NFU1: variants seen among roughly 807,000 people sequenced by gnomAD.
The protein encoded by NFU1 is NFU1 iron-sulfur cluster scaffold.
In NFU1, 30 loss-of-function variants were observed where a neutral mutation model predicts 32.2. The ratio of observed to expected loss-of-function variants is 0.93; its 90% confidence interval spans 0.70 to 1.26. NFU1 has a LOEUF of 1.26. Ranked by LOEUF, NFU1 falls within the 50% of genes most tolerant of loss-of-function variation. The probability of loss-of-function intolerance (pLI) is 0.00; values close to 1 mark genes in which losing one functional copy is unlikely to be tolerated. For missense variants in NFU1, 306 were observed against 306.6 expected (o/e 1.00, Z 0.02); for synonymous variants, 112 against 104.6 (o/e 1.07, Z -0.43).
intron 6 of NFU1, among the ~76,000 whole-genome samples, chr2:69,402,303 T>C (rs1251093790): frequency 6.6e-6 from 1 of 152,180 alleles, no homozygotes. Flanking sequence ...GTAAATATCT[T>C]CTAATCTGTA....
At chr2:69,438,366 G>A (rs1258528376), upstream of NFU1, among the ~76,000 whole-genome samples, 2 of 151,836 alleles carry the variant, frequency 1.3e-5, no homozygotes, top group African/African-American at 2.4e-5. Context: ...TCATCCTCCA[G>A]CCTCAGCCTC....
intron 5 of NFU1, among the ~76,000 whole-genome samples, chr2:69,406,345 A>G (rs965412768): frequency 4.6e-5 from 7 of 152,190 alleles, no homozygotes; most frequent in East Asian, 1.9e-4. Flanking sequence ...TGATATGCTA[A>G]TGATGTTAGG....
At chr2:69,438,936 A>G (rs957262775), upstream of NFU1, among the ~76,000 whole-genome samples, 3 of 121,556 alleles carry the variant, frequency 2.5e-5, no homozygotes, top group Non-Finnish European at 3.3e-5. Flanking sequence ...TCTAGACCGC[A>G]AGGCAGTCCA....
chr2:69,421,868 T>C (rs1488196143), intron 3 of NFU1, among the ~76,000 whole-genome samples: 3 of 152,062 alleles, frequency 2.0e-5, no homozygotes, highest in Admixed American at 1.3e-4. Context: ...GGCCCTGTTC[T>C]TTATCATCTC....
chr2:69,437,393 T>A lies in NFU1; in HGVS notation c.30A>T (p.Gly10=). The change falls in exon 1 of 8, where the codon GGA becomes GGT. Residue 10 remains glycine (G), a synonymous_variant. Transcript: ENST00000410022. Reference sequence around the variant, plus strand: ...GCAGCCCGGCGGCAACAGCCGCAGCTCCCCAGCCCCGCCTGGCCGTCGCCG... The same window carrying A: ...GCAGCCCGGCGGCAACAGCCGCAGCACCCCAGCCCCGCCTGGCCGTCGCCG... MAATARRGW[G]AAAVAAGLRR... 6.2e-7 allele frequency: 1 copy of A among 1,609,764 alleles called. No individual in the cohort carries two copies. Among genetic ancestry groups the A allele is most frequent in the Admixed American group, 1.7e-5 (1 of 59,866 alleles).
chr2:69,396,312 A>C, intron 7 of NFU1, 22 bp from the exon 8 acceptor site: 1 of 1,555,660 alleles, frequency 6.4e-7, no homozygotes, highest in Non-Finnish European at 8.8e-7. Flanking sequence ...AAACAAAGAC[A>C]ATTTAAGAAT....
At chr2:69,418,721 G>C (rs886362600) in intron 4 of NFU1, among the ~76,000 whole-genome samples, 17 of 151,654 alleles carry the variant, frequency 1.1e-4, no homozygotes, top group Non-Finnish European at 5.9e-5. Flanking sequence ...TGCCCACCTC[G>C]GCCTCCCAAA....
At chr2:69,434,814 T>C (rs1673773941) in intron 1 of NFU1, among the ~76,000 whole-genome samples, 2 of 152,194 alleles carry the variant, frequency 1.3e-5, no homozygotes, top group South Asian at 4.1e-4. Context: ...AGTGGAGTTT[T>C]AGTACTCAGT....
At chr2:69,427,548 T>C (rs532207980) in intron 2 of NFU1, among the ~76,000 whole-genome samples, 3 of 150,068 alleles carry the variant, frequency 2.0e-5, no homozygotes, top group South Asian at 2.1e-4. Context: ...GGCGTGGTAG[T>C]GTGCGTCCGT....
chr2:69,401,657 T>A (rs1672525848), intron 6 of NFU1, among the ~76,000 whole-genome samples: 1 of 152,188 alleles, frequency 6.6e-6, no homozygotes, highest in Non-Finnish European at 1.5e-5. Flanking sequence ...AGTATGAATA[T>A]GTTGAGATTT....
At chr2:69,397,545 C>A (rs1347102194) in intron 7 of NFU1, among the ~76,000 whole-genome samples, 2 of 152,038 alleles carry the variant, frequency 1.3e-5, no homozygotes, top group African/African-American at 2.4e-5. Flanking sequence ...CTCAGTCAAT[C>A]CACCAAAGTA....
chr2:69,397,397 T>C (rs372886821), intron 7 of NFU1, among the ~76,000 whole-genome samples: 9 of 152,298 alleles, frequency 5.9e-5, no homozygotes, highest in East Asian at 1.9e-4. Context: ...ACTAACTCCA[T>C]TGGAGAAGGA....
downstream of NFU1, chr2:69,396,062 C>T: frequency 1.8e-6 from 1 of 545,510 alleles, no homozygotes. Context: ...TCCACGTGTA[C>T]AGAAGATGAT....
At chr2:69,409,121 C>T (rs1558818447) in intron 5 of NFU1, among the ~76,000 whole-genome samples, 1 of 151,898 alleles carries the variant, frequency 6.6e-6, no homozygotes, top group East Asian at 1.9e-4. Flanking sequence ...GGATTACAGG[C>T]GTTAGCCACC....
At chr2:69,430,176 T>TA (rs1268688406) in intron 2 of NFU1, among the ~76,000 whole-genome samples, 2 of 151,994 alleles carry the variant, frequency 1.3e-5, no homozygotes, top group East Asian at 3.8e-4. Flanking sequence ...TCATGAGACT[T>TA]ACAACAGGAA....
chr2:69,424,358 G>C (rs903125559), intron 2 of NFU1, among the ~76,000 whole-genome samples: 1 of 150,076 alleles, frequency 6.7e-6, no homozygotes, highest in Non-Finnish European at 1.5e-5. Flanking sequence ...GCACAATCAC[G>C]GTTCACTACG....
intron 3 of NFU1, among the ~76,000 whole-genome samples, chr2:69,421,859 G>A (rs1223703712): frequency 6.6e-6 from 1 of 151,926 alleles, no homozygotes; most frequent in Non-Finnish European, 1.5e-5. Flanking sequence ...ACCGCACCTG[G>A]CCCTGTTCTT....
At chr2:69,400,661 A>T in intron 6 of NFU1, 123 bp from the exon 7 acceptor site, 1 of 778,794 alleles carries the variant, frequency 1.3e-6, no homozygotes, top group Non-Finnish European at 2.1e-6. Flanking sequence ...AGCTACTTTT[A>T]TAATACAGAA....
chr2:69,422,689 T>G (rs1369949819), intron 3 of NFU1, among the ~76,000 whole-genome samples: 1 of 152,104 alleles, frequency 6.6e-6, no homozygotes, highest in Non-Finnish European at 1.5e-5. Flanking sequence ...AGGAGAAAAT[T>G]TTTTTAATAT....
Sources: allele counts gnomAD v4.1 joint callset (sites outside exome capture counted in the v4.1 genomes callset), GRCh38; gene constraint gnomAD v4.1.1; transcripts MANE v1.5; gene names NCBI Gene and HGNC (gene_info 2026-07-23, HGNC 2026-07-21).